The following USP25 variants were observed in gnomAD, a reference collection of about 807,000 sequenced individuals.
USP25 encodes the protein ubiquitin carboxyl-terminal hydrolase 25.
A neutral mutation model predicts 158.5 loss-of-function variants in USP25; 85 were observed. That is an observed-to-expected ratio of 0.54 (90% confidence interval 0.45 to 0.64). USP25 has a LOEUF of 0.64. USP25 is among the 30% of genes least tolerant of loss of function. The pLI, the probability that USP25 is intolerant of heterozygous loss-of-function variation, is 0.00. For synonymous variants in USP25, 464 were observed against 460.4 expected (o/e 1.01, Z -0.10); for missense variants, 1,242 against 1,327.3 (o/e 0.94, Z 1.00).
At chr21:15,822,144 A>G (rs1296248501) in intron 10 of USP25, among the ~76,000 whole-genome samples, 1 of 151,974 alleles carries the variant, frequency 6.6e-6, no homozygotes, top group Non-Finnish European at 1.5e-5. Context: ...TTTTGAAAGA[A>G]AAATTTCTCA....
chr21:15,870,429 GATA>G (rs1273330149), intron 23 of USP25, among the ~76,000 whole-genome samples: 2 of 152,080 alleles, frequency 1.3e-5, no homozygotes, highest in East Asian at 3.9e-4. Context: ...GTCTGATCTT[GATA>G]TCAAGTCAGA....
intron 1 of USP25, among the ~76,000 whole-genome samples, chr21:15,731,498 T>A (rs1355714218): frequency 6.6e-6 from 1 of 152,168 alleles, no homozygotes; most frequent in Non-Finnish European, 1.5e-5. Context: ...GACTTTAGAA[T>A]AAGACCTGTT....
intron 1 of USP25, among the ~76,000 whole-genome samples, chr21:15,758,379 T>C (rs958071226): frequency 6.6e-6 from 1 of 152,122 alleles, no homozygotes; most frequent in Admixed American, 6.5e-5. Flanking sequence ...GTGGAAATAA[T>C]TGAATCATGG....
chr21:15,778,113 T>C, intron 4 of USP25, 86 bp downstream of exon 4: 3 of 1,266,696 alleles, frequency 2.4e-6, no homozygotes, highest in East Asian at 2.7e-5. Context: ...TAAGAGGTAA[T>C]AAGATATACT....
intron 23 of USP25, among the ~76,000 whole-genome samples, chr21:15,872,727 A>T (rs2039945309): frequency 6.6e-6 from 1 of 152,138 alleles, no homozygotes; most frequent in Non-Finnish European, 1.5e-5. Flanking sequence ...TTATCATGAC[A>T]CCTTCAGGTG....
chr21:15,737,114 A>G (rs141484684), intron 1 of USP25, among the ~76,000 whole-genome samples: 1 of 151,966 alleles, frequency 6.6e-6, no homozygotes, highest in South Asian at 2.1e-4. Flanking sequence ...TTAAAACTAC[A>G]TTATTTGGAT....
chr21:15,823,208 G>A (rs1034819682), intron 10 of USP25, among the ~76,000 whole-genome samples: 1 of 151,966 alleles, frequency 6.6e-6, no homozygotes. Context: ...TTATACTTCT[G>A]TTCTTTGTTG....
At chr21:15,784,298 C>T (rs1265904797) in intron 4 of USP25, among the ~76,000 whole-genome samples, 1 of 152,122 alleles carries the variant, frequency 6.6e-6, no homozygotes, top group African/African-American at 2.4e-5. Flanking sequence ...TGTGGCTGGG[C>T]GTGGTGGCTC....
chr21:15,798,285 C>T (rs1008275276), intron 5 of USP25, among the ~76,000 whole-genome samples: 1 of 151,222 alleles, frequency 6.6e-6, no homozygotes, highest in Admixed American at 6.6e-5. Context: ...TTTTGTGGAA[C>T]TTTGTATCTT....
At chr21:15,794,015 A>G (rs1205762779) in intron 5 of USP25, among the ~76,000 whole-genome samples, 1 of 151,580 alleles carries the variant, frequency 6.6e-6, no homozygotes, top group Non-Finnish European at 1.5e-5. Flanking sequence ...TTCCACAGTG[A>G]GTTGGAACTT....
At chr21:15,750,562 A>G (rs2032929666) in intron 1 of USP25, among the ~76,000 whole-genome samples, 1 of 151,608 alleles carries the variant, frequency 6.6e-6, no homozygotes, top group African/African-American at 2.4e-5. Context: ...TTCAGTAAAT[A>G]GTAGTTCTAT....
At chr21:15,759,857 T>G (rs1052222602) in intron 1 of USP25, among the ~76,000 whole-genome samples, 2 of 152,210 alleles carry the variant, frequency 1.3e-5, no homozygotes, top group African/African-American at 4.8e-5. Flanking sequence ...GTATAAAAAC[T>G]GATAGGTTTA....
intron 4 of USP25, 62 bp downstream of exon 4, chr21:15,778,089 G>T (rs2034762657): frequency 1.5e-6 from 2 of 1,360,102 alleles, no homozygotes; most frequent in Non-Finnish European, 9.8e-7. Context: ...TCATTAATTG[G>T]GTTAAATTAA....
intron 22 of USP25, among the ~76,000 whole-genome samples, chr21:15,866,714 A>G (rs2039674204): frequency 6.6e-6 from 1 of 152,140 alleles, no homozygotes; most frequent in African/African-American, 2.4e-5. Flanking sequence ...ATATTTATCA[A>G]GACCCTACTA....
At chr21:15,755,906 T>G (rs922426831) in intron 1 of USP25, among the ~76,000 whole-genome samples, 2 of 152,012 alleles carry the variant, frequency 1.3e-5, no homozygotes, top group Non-Finnish European at 2.9e-5. Context: ...GAAGAGTAAA[T>G]GATTTCAAGG....
intron 1 of USP25, among the ~76,000 whole-genome samples, chr21:15,754,728 G>C (rs934761143): frequency 6.6e-6 from 1 of 152,140 alleles, no homozygotes; most frequent in Non-Finnish European, 1.5e-5. Context: ...TAAGCTGTGA[G>C]GACTATACTA....
Position 15,766,245 on chromosome 21 carries a change from A to G in USP25, c.268+104A>G. Reference sequence around the variant, plus strand: ...TTAAGGAGAGGTAAAGAACCAAAAAAGAACTCTATTAACCTTGGTTCTTTT... The same window carrying G: ...TTAAGGAGAGGTAAAGAACCAAAAAGGAACTCTATTAACCTTGGTTCTTTT... On this transcript the variant is annotated intron_variant, in intron 3 of 25. Transcript: ENST00000400183. The surrounding 1 kb of genome is among the most constrained non-coding windows in gnomAD (Gnocchi z 4.0). 1 of 1,070,054 alleles carries G rather than the reference A, an allele frequency of 9.3e-7. No individual in the cohort carries two copies. The highest frequency in any genetic ancestry group is 1.3e-6 in the Non-Finnish European group (1 of 794,894). 66.3% of individuals were successfully genotyped at this position (1,070,054 alleles called of 1,614,324 possible).
chr21:15,861,793 T>C (rs1349401137), intron 20 of USP25, among the ~76,000 whole-genome samples: 1 of 152,122 alleles, frequency 6.6e-6, no homozygotes, highest in African/African-American at 2.4e-5. Flanking sequence ...TAGTTAAGAA[T>C]TGCATTTATG....
Position 15,768,652 on chromosome 21 carries a change from G to A in USP25, c.268+2511G>A, listed in dbSNP as rs557622033. Among the ~76,000 whole-genome samples the A allele has an allele frequency of 2.5e-4, 38 of 152,206 alleles. No homozygotes were observed. In the South Asian group the frequency reaches 6.6e-3, roughly 27 times the overall value. ...ATTTAAAAAAATCTACCTAACTGCT[G>A]TAGGAATGTAGAAGAATAGATCAGA... On this transcript the variant is annotated intron_variant, in intron 3 of 25. Coordinates refer to ENST00000400183, the MANE Select transcript of USP25 (RefSeq NM_001283041.3).
Sources: allele counts gnomAD v4.1 joint callset (sites outside exome capture counted in the v4.1 genomes callset), GRCh38; gene constraint gnomAD v4.1.1; non-coding constraint Gnocchi (gnomAD v3.1); transcripts MANE v1.5; gene names NCBI Gene and HGNC (gene_info 2026-07-23, HGNC 2026-07-21).